The following NRG3 variants were observed in gnomAD, a reference collection of about 807,000 sequenced individuals.
The protein encoded by NRG3 is pro-neuregulin-3, membrane-bound isoform.
A neutral mutation model predicts 66.9 loss-of-function variants in NRG3; 31 were observed. That is an observed-to-expected ratio of 0.46 (90% CI 0.35 to 0.63). NRG3 has a LOEUF of 0.63. Among genes scored for constraint, NRG3 ranks in the 20% least tolerant of loss-of-function variants. The pLI, the probability that NRG3 is intolerant of heterozygous loss-of-function variation, is 0.00. For missense variants in NRG3, 910 were observed against 878.9 expected, an observed-to-expected ratio of 1.04 and a Z score of -0.45; for synonymous variants, 393 against 359.4, an observed-to-expected ratio of 1.09 and a Z score of -1.06.
At chr10:82,868,583 A>G (rs1177680037) in intron 4 of NRG3, among the ~76,000 whole-genome samples, 2 of 152,354 alleles carry the variant, frequency 1.3e-5, no homozygotes, top group Admixed American at 6.5e-5. Flanking sequence ...TTATAAATTT[A>G]GTGAATATGC....
chr10:82,366,396 A>G (rs2084526331), intron 2 of NRG3, among the ~76,000 whole-genome samples: 1 of 152,210 alleles, frequency 6.6e-6, no homozygotes. Context: ...GGGGCATGCC[A>G]GAGAATTCCT....
chr10:82,976,303 G>A (rs967402741), intron 7 of NRG3, among the ~76,000 whole-genome samples: 2 of 152,060 alleles, frequency 1.3e-5, no homozygotes, highest in Non-Finnish European at 2.9e-5. Flanking sequence ...TGATCCGCCC[G>A]CCTCAGCCTC....
intron 2 of NRG3, among the ~76,000 whole-genome samples, chr10:82,709,221 G>C (rs1215417341): frequency 6.6e-6 from 1 of 152,166 alleles, no homozygotes; most frequent in East Asian, 1.9e-4. Context: ...AGCCAATTGT[G>C]TCTAATGGCT....
intron 1 of NRG3, among the ~76,000 whole-genome samples, chr10:82,202,422 A>C (rs2074884087): frequency 6.6e-6 from 1 of 152,180 alleles, no homozygotes; most frequent in Non-Finnish European, 1.5e-5. Context: ...GGGAAACTGA[A>C]GGCAAAAAAA....
chr10:82,554,221 T>A (rs867728529), intron 2 of NRG3, among the ~76,000 whole-genome samples: 2 of 152,128 alleles, frequency 1.3e-5, no homozygotes, highest in Admixed American at 6.6e-5. Flanking sequence ...CCCAGCACAG[T>A]AGGGTGACTA....
In NRG3 at chr10:82,617,566, G is replaced by C. The variant is rs575807580; in HGVS notation, c.954-121011G>C. ...CTGCTGTGTAAAATAGGCTCCTCTT[G>C]AATGCCCTCCATATGAAGTCATCCT... On this transcript the variant is annotated intron_variant, in intron 2 of 8. Transcript: ENST00000372141. Among the ~76,000 whole-genome samples the C allele has an allele frequency of 2.6e-5, 4 of 152,264 alleles. No homozygotes were observed. The East Asian group carries it at 5.8e-4, about 22-fold the overall frequency.
chr10:82,754,942 TTGAG>T (rs2059019961), intron 3 of NRG3, among the ~76,000 whole-genome samples: 1 of 152,148 alleles, frequency 6.6e-6, no homozygotes, highest in Non-Finnish European at 1.5e-5. Flanking sequence ...TGTTTTGAGA[TTGAG>T]TGTCTCAAGA....
At position 82,381,794 on chromosome 10, in the gene NRG3, A is replaced by G. The variant is rs12258620; in HGVS notation, c.953+22926A>G. Among the ~76,000 whole-genome samples the G allele has an allele frequency of 6.5e-3, 995 of 152,270 alleles. 11 individuals carry two copies. The highest frequency in any genetic ancestry group is 0.023 in the African/African-American group (951 of 41,568). ...GCATAAGCTGGGACTGTCCTGGACA[A>G]ACTGGAACACATGGTCACCTTTCAT... On this transcript the variant is annotated intron_variant, in intron 2 of 8. Coordinates refer to ENST00000372141, the MANE Select transcript of NRG3 (RefSeq NM_001010848.4).
At chr10:82,787,858 A>G (rs1445345764) in intron 3 of NRG3, among the ~76,000 whole-genome samples, 2 of 152,140 alleles carry the variant, frequency 1.3e-5, no homozygotes, top group African/African-American at 2.4e-5. Context: ...GCAGGCTACT[A>G]TGGTGGGGAG....
rs758134827 is a variant in NRG3, at chr10:82,829,485, G to A, written c.1028-35926G>A. On this transcript the variant is annotated intron_variant, in intron 3 of 8. Transcript: ENST00000372141. ...GCCCCAGAGATGCTTAGCAATGAGA[G>A]CAACCATGCTGAGGCATAGTAAACT... Among the ~76,000 whole-genome samples the A allele has an allele frequency of 2.6e-5, 4 of 152,196 alleles. No homozygotes were observed. The East Asian group carries it at 5.8e-4, about 22-fold the overall frequency.
intron 1 of NRG3, among the ~76,000 whole-genome samples, chr10:82,235,059 C>G (rs1589420112): frequency 6.6e-6 from 1 of 152,222 alleles, no homozygotes; most frequent in Non-Finnish European, 1.5e-5. Context: ...TTCCTGCATT[C>G]CCAGCAACTT....
chr10:82,217,310 A>G (rs1376858097), intron 1 of NRG3, among the ~76,000 whole-genome samples: 2 of 152,186 alleles, frequency 1.3e-5, no homozygotes, highest in Non-Finnish European at 2.9e-5. Context: ...CCTGGGTGCC[A>G]TCGCTCTTAA....
At chr10:82,443,380 T>C (rs2090545914) in intron 2 of NRG3, among the ~76,000 whole-genome samples, 1 of 152,236 alleles carries the variant, frequency 6.6e-6, no homozygotes, top group Admixed American at 6.5e-5. Flanking sequence ...AAAATAATTA[T>C]GTTTCTTTCA....
chr10:82,733,386 T>C (rs2058013050), intron 2 of NRG3, among the ~76,000 whole-genome samples: 1 of 152,194 alleles, frequency 6.6e-6, no homozygotes, highest in African/African-American at 2.4e-5. Flanking sequence ...TCTCATTTTT[T>C]TGGGGGGTTG....
At chr10:82,294,836 C>G (rs1289398683) in intron 1 of NRG3, among the ~76,000 whole-genome samples, 2 of 152,172 alleles carry the variant, frequency 1.3e-5, no homozygotes, top group Non-Finnish European at 2.9e-5. Flanking sequence ...TTGAGATCTG[C>G]AGCTACAGAC....
intron 1 of NRG3, among the ~76,000 whole-genome samples, chr10:81,939,847 C>T (rs1182004524): frequency 6.6e-6 from 1 of 151,242 alleles, no homozygotes; most frequent in African/African-American, 2.4e-5. Flanking sequence ...TTTTCCAGTT[C>T]CTTGATGTAT....
At chr10:82,552,764 T>C (rs2044398489) in intron 2 of NRG3, among the ~76,000 whole-genome samples, 1 of 152,152 alleles carries the variant, frequency 6.6e-6, no homozygotes, top group African/African-American at 2.4e-5. Context: ...TTATCAAATC[T>C]ACATTTATGC....
chr10:82,029,545 C>T (rs1357723893), intron 1 of NRG3, among the ~76,000 whole-genome samples: 1 of 152,050 alleles, frequency 6.6e-6, no homozygotes, highest in Non-Finnish European at 1.5e-5. Context: ...TATCTGCTGG[C>T]GTCTCCAAGG....
chr10:81,893,607 T>C (rs1843237216), intron 1 of NRG3, among the ~76,000 whole-genome samples: 1 of 152,222 alleles, frequency 6.6e-6, no homozygotes, highest in Non-Finnish European at 1.5e-5. Flanking sequence ...TGCATTTCAT[T>C]AGCAGCAAAA....
Sources: allele counts gnomAD v4.1 joint callset (sites outside exome capture counted in the v4.1 genomes callset), GRCh38; gene constraint gnomAD v4.1.1; transcripts MANE v1.5; gene names NCBI Gene and HGNC (gene_info 2026-07-23, HGNC 2026-07-21).